Variants in LRP1B observed in about 807,000 individuals in gnomAD.
LRP1B encodes the protein LDL receptor related protein 1B, also known as low-density lipoprotein receptor-related protein 1B.
LRP1B carries 217 observed loss-of-function variants against 556.6 expected under a neutral mutation model. The observed-to-expected ratio is 0.39, with a 90% CI of 0.35 to 0.44. LRP1B has a LOEUF of 0.44. Ranked by LOEUF, LRP1B falls within the 20% of genes least tolerant of loss-of-function variation. The probability of loss-of-function intolerance (pLI) is 1.00; values close to 1 mark genes in which losing one functional copy is unlikely to be tolerated. For missense variants in LRP1B, 5,053 were observed against 5,620.8 expected, an observed-to-expected ratio of 0.90 and a Z score of 3.23; for synonymous variants, 2,047 against 1,865.8, an observed-to-expected ratio of 1.10 and a Z score of -2.50.
chr2:141,132,950 T>C (rs967933741), intron 7 of LRP1B, among the ~76,000 whole-genome samples: 7 of 151,694 alleles, frequency 4.6e-5, no homozygotes, highest in African/African-American at 7.3e-5. Context: ...TGATTCCATA[T>C]TGAATAATAA....
chr2:141,254,483 CT>C, intron 4 of LRP1B, 38 bp downstream of exon 4: 1 of 1,606,604 alleles, frequency 6.2e-7, no homozygotes, highest in Non-Finnish European at 8.5e-7. Context: ...AACTAAGCCT[CT>C]ATAAACAAAA....
At chr2:140,843,076 TTTTTGTTTGTTTTTTTTTTTTTTG>T (rs1249695975) in intron 29 of LRP1B, among the ~76,000 whole-genome samples, 802 of 21,972 alleles carry the variant, frequency 0.037, 65 homozygotes, top group East Asian at 0.098. Flanking sequence ...TGTTTTTTTT[TTTTTGTTTGTTTTTTTTTTTTTTG>T]TTTTTTTTTT....
At chr2:140,968,112 C>T (rs998894521) in intron 18 of LRP1B, among the ~76,000 whole-genome samples, 14 of 150,828 alleles carry the variant, frequency 9.3e-5, no homozygotes, top group African/African-American at 2.4e-4. Flanking sequence ...ATGGTACCAG[C>T]TCCTCCTTGT....
chr2:140,240,980 T>G lies in LRP1B; in HGVS notation c.13325-1448A>C, dbSNP rs1467730746. Among the ~76,000 whole-genome samples the G allele has an allele frequency of 3.8e-4, 57 of 150,932 alleles. 1 individual carries two copies. Among genetic ancestry groups the G allele is most frequent in the Non-Finnish European group, 5.9e-5 (4 of 67,230 alleles). On this transcript the variant is annotated intron_variant, in intron 87 of 90. Transcript: ENST00000389484. ...CTTGCCAAATACCAAAAAGGCTTCATTAAGAAAATTTCATGTATAAGATAA... is the reference window on the plus strand; with the variant it reads ...CTTGCCAAATACCAAAAAGGCTTCAGTAAGAAAATTTCATGTATAAGATAA...
At chr2:141,068,500 T>C (rs1699544868) in intron 7 of LRP1B, among the ~76,000 whole-genome samples, 1 of 150,054 alleles carries the variant, frequency 6.7e-6, no homozygotes, top group South Asian at 2.1e-4. Flanking sequence ...ATTATGCAAA[T>C]TGGGTCTTTG....
intron 1 of LRP1B, among the ~76,000 whole-genome samples, chr2:141,849,166 A>G (rs1230332414): frequency 6.6e-6 from 1 of 151,624 alleles, no homozygotes. Flanking sequence ...TCAGGCTTAC[A>G]ATGTCTTGCA....
chr2:141,845,090 G>A (rs982277445), intron 1 of LRP1B, among the ~76,000 whole-genome samples: 2 of 150,900 alleles, frequency 1.3e-5, no homozygotes, highest in African/African-American at 4.9e-5. Context: ...AATGATTCCT[G>A]TAAATAATTC....
intron 41 of LRP1B, among the ~76,000 whole-genome samples, chr2:140,631,660 C>A (rs559722477): frequency 6.6e-6 from 1 of 151,934 alleles, no homozygotes; most frequent in Non-Finnish European, 1.5e-5. Flanking sequence ...TTAAGAATAG[C>A]GACACAATTT....
intron 79 of LRP1B, among the ~76,000 whole-genome samples, chr2:140,330,035 G>C (rs1326026419): frequency 6.6e-6 from 1 of 151,076 alleles, no homozygotes; most frequent in Non-Finnish European, 1.5e-5. Flanking sequence ...CCCTGTCTCT[G>C]CTAAAAATAC....
At chr2:141,222,537 G>A (rs549151623) in intron 6 of LRP1B, among the ~76,000 whole-genome samples, 1 of 152,234 alleles carries the variant, frequency 6.6e-6, no homozygotes, top group East Asian at 1.9e-4. Flanking sequence ...TATGTGGCTA[G>A]CATTATCCAG....
At chr2:141,199,407 G>A (rs981579881) in intron 6 of LRP1B, among the ~76,000 whole-genome samples, 7 of 151,966 alleles carry the variant, frequency 4.6e-5, no homozygotes, top group African/African-American at 1.7e-4. Flanking sequence ...TAAATCTTCA[G>A]TCTGCACTTT....
At chr2:142,055,224 G>C (rs115509204) in intron 1 of LRP1B, among the ~76,000 whole-genome samples, 5 of 152,208 alleles carry the variant, frequency 3.3e-5, no homozygotes, top group Non-Finnish European at 5.9e-5. Flanking sequence ...AAAAGGAATA[G>C]AGTGTGGATA....
intron 2 of LRP1B, among the ~76,000 whole-genome samples, chr2:141,642,931 G>A (rs1321375404): frequency 6.6e-6 from 1 of 152,018 alleles, no homozygotes; most frequent in Non-Finnish European, 1.5e-5. Context: ...TGAAAGCACT[G>A]GTTGCCAATA....
chr2:141,145,376 A>T (rs1558890983), intron 7 of LRP1B, among the ~76,000 whole-genome samples: 2 of 143,996 alleles, frequency 1.4e-5, no homozygotes, highest in African/African-American at 5.4e-5. Flanking sequence ...CACAGAAATG[A>T]TATTCTTATA....
At chr2:140,928,106 G>A (rs1435461947) in intron 20 of LRP1B, among the ~76,000 whole-genome samples, 1 of 151,930 alleles carries the variant, frequency 6.6e-6, no homozygotes. Context: ...TATTCTCAGA[G>A]TCTAGAGTGT....
intron 41 of LRP1B, among the ~76,000 whole-genome samples, chr2:140,613,772 GAA>G: frequency 6.6e-6 from 1 of 152,120 alleles, no homozygotes; most frequent in Non-Finnish European, 1.5e-5. Context: ...GCCTGCCCCA[GAA>G]AAGTCAAGAA....
chr2:140,431,548 C>T (rs909469861), intron 66 of LRP1B, among the ~76,000 whole-genome samples: 2 of 152,172 alleles, frequency 1.3e-5, no homozygotes, highest in African/African-American at 4.8e-5. Context: ...GCTGATATAT[C>T]GTGGTGCTAT....
At chr2:141,366,708 G>C (rs1284593535) in intron 3 of LRP1B, among the ~76,000 whole-genome samples, 2 of 152,152 alleles carry the variant, frequency 1.3e-5, no homozygotes, top group East Asian at 3.8e-4. Flanking sequence ...GATTCAAGAT[G>C]AAGAACAAAA....
At chr2:140,684,435 G>A (rs1056022102) in intron 41 of LRP1B, among the ~76,000 whole-genome samples, 1 of 152,108 alleles carries the variant, frequency 6.6e-6, no homozygotes, top group Non-Finnish European at 1.5e-5. Flanking sequence ...GCTGTTCCAG[G>A]CCTAAGCAAT....
Sources: allele counts gnomAD v4.1 joint callset (sites outside exome capture counted in the v4.1 genomes callset), GRCh38; gene constraint gnomAD v4.1.1; transcripts MANE v1.5; gene names NCBI Gene and HGNC (gene_info 2026-07-23, HGNC 2026-07-21).